ATM: variants seen among roughly 807,000 people sequenced by gnomAD.
ATM encodes serine-protein kinase ATM.
Under a neutral mutation model 387.0 loss-of-function variants are expected in ATM, and 308 were observed. The observed-to-expected ratio is 0.80, with a 90% CI of 0.73 to 0.87. ATM has a LOEUF of 0.87. ATM is among the 40% of genes least tolerant of loss of function. The probability of loss-of-function intolerance (pLI) is 0.00; values close to 1 mark genes in which losing one functional copy is unlikely to be tolerated. For synonymous variants in ATM, 1,156 were observed against 1,187.3 expected (o/e 0.97, Z 0.54); for missense variants, 3,312 against 3,560.9 (o/e 0.93, Z 1.78).
chr11:108,299,684 A>G (rs774809625), intron 33 of ATM, 30 bp from the exon 34 acceptor site: 15 of 1,605,350 alleles, frequency 9.3e-6, no homozygotes, highest in Non-Finnish European at 1.2e-5. Flanking sequence ...CTTACCTATG[A>G]CTCTACTGAA....
chr11:108,366,240 A>G lies in ATM; in HGVS notation c.*732A>G. 5.0e-6 allele frequency: 1 copy of G among 199,004 alleles called. No individual in the cohort carries two copies. Among genetic ancestry groups the G allele is most frequent in the Non-Finnish European group, 1.0e-5 (1 of 96,284 alleles). 12.3% of individuals were successfully genotyped at this position (199,004 alleles called of 1,614,324 possible). A position where few individuals can be genotyped will look rare whatever the true frequency, so the allele number is the denominator to read the frequency against. ...TGTCCATGTATGTTATCTTTCTGTG[A>G]TAACTTCATAGATTGCCTTCTAGTT... On this transcript the variant is annotated 3_prime_UTR_variant, in exon 63 of 63. Coordinates refer to ENST00000675843, the MANE Select transcript of ATM (RefSeq NM_000051.4).
intron 56 of ATM, among the ~76,000 whole-genome samples, chr11:108,339,664 C>CT (rs1259804678): frequency 6.6e-6 from 1 of 152,080 alleles, no homozygotes; most frequent in African/African-American, 2.4e-5. Flanking sequence ...AGTTGAGACT[C>CT]TAAGCTGAGG....
Position 108,235,706 on chromosome 11 carries a change from A to G in ATM, c.368A>G (p.Tyr123Cys), listed in dbSNP as rs759673348. ...PRLKCQELLN[Y>C]IMDTVKDSSN... Reference sequence around the variant, plus strand: ...CTAAAATGTCAAGAACTCTTAAATTATATCATGGATACAGTGAAAGATTCA... The same window carrying G: ...CTAAAATGTCAAGAACTCTTAAATTGTATCATGGATACAGTGAAAGATTCA... The change falls in exon 5 of 63, where the codon TAT (tyrosine) becomes TGT (cysteine). Residue 123 changes from tyrosine to cysteine, a missense_variant. Around this residue, in one of 4 missense-constraint regions of ATM, gnomAD observed 1,791 missense variants for 1,804.5 expected, o/e 0.99. Coordinates refer to ENST00000675843, the MANE Select transcript of ATM (RefSeq NM_000051.4). 2.5e-6 allele frequency: 4 copies of G among 1,612,096 alleles called. 1 individual carries two copies. The highest frequency in any genetic ancestry group is 2.2e-5 in the South Asian group (2 of 91,034).
intron 26 of ATM, among the ~76,000 whole-genome samples, chr11:108,285,373 ATGTT>A (rs1240064245): frequency 6.6e-6 from 1 of 151,026 alleles, no homozygotes; most frequent in African/African-American, 2.4e-5. Context: ...TATTCATTAA[ATGTT>A]TGTCAAAAGA....
rs1565378803 is a variant in ATM, at chr11:108,248,949, C to T, written c.1082C>T (p.Thr361Ile). 1 of 1,609,106 alleles carries T rather than the reference C, an allele frequency of 6.2e-7. No individual in the cohort carries two copies. Among genetic ancestry groups the T allele is most frequent in the Non-Finnish European group, 8.5e-7 (1 of 1,177,122 alleles). The stretch of plus-strand genomic sequence containing the variant: ...ATTTTACAGGTTTTTAATGAAGATA[C>T]CAGATCCTTGGAGATTTCTCAATCT... ...DICHQVFNED[T>I]RSLEISQSYT... Residue 361 changes from threonine to isoleucine, a missense_variant, in exon 9 of 63, where the codon ACC becomes ATC. This residue lies in a region of ATM where 1,791 missense variants were observed against 1,804.5 expected (regional missense o/e 0.99). Coordinates refer to ENST00000675843, the MANE Select transcript of ATM (RefSeq NM_000051.4).
intron 25 of ATM, among the ~76,000 whole-genome samples, chr11:108,283,821 T>C (rs892936285): frequency 6.6e-6 from 1 of 152,218 alleles, no homozygotes; most frequent in African/African-American, 2.4e-5. Flanking sequence ...TCTATCTGCA[T>C]TTGGTTGAAA....
Position 108,335,056 on chromosome 11 carries a change from A to T in ATM, c.8098A>T (p.Lys2700Ter), listed in dbSNP as rs758588019. 10 of 1,614,130 alleles carry T rather than the reference A, an allele frequency of 6.2e-6. No homozygotes were observed. The highest frequency in any genetic ancestry group is 8.5e-6 in the Non-Finnish European group (10 of 1,180,012). ...CTTAGCAGGAGGTGTAAATTTACCA[A>T]AAATAATAGATTGTGTAGGTTCCGA... ...FRLAGGVNLPKIIDCVGSDGK... is the reference protein window; with the variant it reads ...FRLAGGVNLP Residue 2700 changes from lysine (K) to a stop codon, truncating the protein, a stop_gained, in exon 55 of 63, where the codon AAA becomes TAA. Coordinates refer to ENST00000675843, the MANE Select transcript of ATM (RefSeq NM_000051.4). LOFTEE classifies it high-confidence loss of function.
At chr11:108,357,605 G>C (rs1054447960) in intron 61 of ATM, among the ~76,000 whole-genome samples, 1 of 152,298 alleles carries the variant, frequency 6.6e-6, no homozygotes, top group Non-Finnish European at 1.5e-5. Flanking sequence ...TCGGACAACA[G>C]GCAGACTGCC....
At chr11:108,338,171 A>G (rs996307638) in intron 56 of ATM, among the ~76,000 whole-genome samples, 1 of 152,228 alleles carries the variant, frequency 6.6e-6, no homozygotes, top group Non-Finnish European at 1.5e-5. Flanking sequence ...CAACATGGCC[A>G]AACCCCATCT....
intron 22 of ATM, among the ~76,000 whole-genome samples, chr11:108,277,679 C>G (rs921748245): frequency 6.6e-6 from 1 of 152,174 alleles, no homozygotes; most frequent in Non-Finnish European, 1.5e-5. Flanking sequence ...CTACACCCCA[C>G]CCTGCTTTGA....
intron 4 of ATM, among the ~76,000 whole-genome samples, chr11:108,235,350 G>A (rs1200488094): frequency 6.6e-6 from 1 of 151,802 alleles, no homozygotes; most frequent in Non-Finnish European, 1.5e-5. Flanking sequence ...TAAAAGAGGC[G>A]TTGGCAAACT....
intron 59 of ATM, among the ~76,000 whole-genome samples, chr11:108,352,539 C>CA (rs2089334514): frequency 6.6e-6 from 1 of 152,068 alleles, no homozygotes; most frequent in South Asian, 2.1e-4. Context: ...GACTTGATAC[C>CA]AAAAGAACAA....
chr11:108,312,848 C>G (rs1437389098), intron 40 of ATM, among the ~76,000 whole-genome samples: 2 of 152,166 alleles, frequency 1.3e-5, no homozygotes, highest in East Asian at 1.9e-4. Flanking sequence ...TTGTATGTTA[C>G]AGAAGAAGCA....
rs376158749 is a variant in ATM, at chr11:108,317,615, TTATATA to T, written c.6347+127_6347+132del. The T allele has an allele frequency of 0.072, 15,495 of 214,342 alleles. 948 individuals carry two copies. Among genetic ancestry groups the T allele is most frequent in the African/African-American group, 0.096 (2,090 of 21,698 alleles). 13.3% of individuals were successfully genotyped at this position (214,342 alleles called of 1,614,324 possible). On this transcript the variant is annotated intron_variant, in intron 43 of 62. Coordinates refer to ENST00000675843, the MANE Select transcript of ATM (RefSeq NM_000051.4). ...TTCTATGAATATAACAGGAGTTGTTTTATATATATATATATATATATATATATATAT... is the reference window on the plus strand; with the variant it reads ...TTCTATGAATATAACAGGAGTTGTTTTATATATATATATATATATATATAT...
intron 57 of ATM, among the ~76,000 whole-genome samples, chr11:108,344,500 A>G (rs975259560): frequency 1.3e-5 from 2 of 152,164 alleles, no homozygotes; most frequent in African/African-American, 2.4e-5. Flanking sequence ...ACCTTATGCT[A>G]TAGGCCTCAT....
chr11:108,303,419 TGAG>T (rs2083526408), intron 36 of ATM, among the ~76,000 whole-genome samples: 1 of 152,164 alleles, frequency 6.6e-6, no homozygotes. Context: ...TTTTTATTTT[TGAG>T]GATATAGTAC....
chr11:108,233,602 C>G (rs2079126814), intron 4 of ATM, among the ~76,000 whole-genome samples: 1 of 146,896 alleles, frequency 6.8e-6, no homozygotes, highest in Non-Finnish European at 1.5e-5. Context: ...TCTCTGCAGG[C>G]AACTTAGTTG....
intron 62 of ATM, 42 bp from the exon 63 acceptor site, chr11:108,365,283 A>T (rs758662688): frequency 1.2e-6 from 2 of 1,614,044 alleles, no homozygotes; most frequent in African/African-American, 2.7e-5. Flanking sequence ...CAAGGCCTTT[A>T]AACTGTTCAC....
intron 20 of ATM, 150 bp downstream of exon 20, chr11:108,271,556 C>G (rs1384646073): frequency 2.9e-6 from 3 of 1,048,698 alleles, no homozygotes; most frequent in African/African-American, 3.2e-5. Flanking sequence ...GTGTTTCCCT[C>G]AGTCGCTTGA....
Sources: gnomAD v4.1 joint callset for allele counts (sites outside exome capture counted in the v4.1 genomes callset) on GRCh38, gnomAD v4.1.1 for gene constraint, gnomAD v4.1.1 regional missense constraint, MANE v1.5 for transcripts, NCBI Gene and HGNC (gene_info 2026-07-23, HGNC 2026-07-21) for gene names.